Variants in SARM1 observed in about 807,000 individuals in gnomAD.
The protein encoded by SARM1 is NAD(+) hydrolase SARM1.
Under a neutral mutation model 65.1 loss-of-function variants are expected in SARM1, and 60 were observed. The observed-to-expected ratio is 0.92, with a 90% CI of 0.75 to 1.14. The LOEUF is 1.14. Ranked by LOEUF, SARM1 falls within the 50% of genes most tolerant of loss-of-function variation. The probability of loss-of-function intolerance (pLI) is 0.00; values close to 1 mark genes in which losing one functional copy is unlikely to be tolerated. For missense variants in SARM1, 913 were observed against 1,015.7 expected (o/e 0.90, Z 1.37); for synonymous variants, 417 against 465.4 (o/e 0.90, Z 1.34).
chr17:28,396,179 G>A lies in SARM1; in HGVS notation c.2068G>A (p.Ala690Thr). 1 of 1,613,926 alleles carries A rather than the reference G, an allele frequency of 6.2e-7. No homozygotes were observed. Residue 690 changes from alanine (A) to threonine (T), a missense_variant, in exon 9 of 9, where the codon GCC becomes ACC. By Grantham distance (58) the Ala-to-Thr change is moderately conservative. This residue lies in a region of SARM1 where 862 missense variants were observed against 952.1 expected (regional missense o/e 0.91). Coordinates refer to ENST00000585482, the MANE Select transcript of SARM1 (RefSeq NM_015077.4). ...GIKWSHEYQE[A>T]TIEKIIRFLQ... ...CAGGTGGTCCCACGAATACCAGGAG[G>A]CCACCATTGAGAAGATCATCCGCTT...
Position 28,384,858 on chromosome 17 carries a change from A to T in SARM1, c.1322A>T (p.Asp441Val). Reference sequence around the variant, plus strand: ...CCCCAGGAGCAGCAGGTGGATGGCGACCTGCTTCTGCGGCTCACGGAGGAG... The same window carrying T: ...CCCCAGGAGCAGCAGGTGGATGGCGTCCTGCTTCTGCGGCTCACGGAGGAG... ...ESFREQQVDG[D>V]LLLRLTEEEL... The change falls in exon 4 of 9, where the codon GAC becomes GTC. Residue 441 changes from aspartate (D) to valine (V), a missense_variant. By Grantham distance (152) the Asp-to-Val change is radical (BLOSUM62 -3). Transcript: ENST00000585482. The surrounding 1 kb of genome is among the most constrained non-coding windows in gnomAD (Gnocchi z 4.4). The T allele has an allele frequency of 6.4e-7, 1 of 1,555,012 alleles. No individual in the cohort carries two copies. The highest frequency in any genetic ancestry group is 1.2e-5 in the South Asian group (1 of 84,238).
Position 28,384,525 on chromosome 17 carries a change from T to A in SARM1, c.1258T>A (p.Trp420Arg). 6.2e-7 allele frequency: 1 copy of A among 1,612,948 alleles called. No homozygotes were observed. Among genetic ancestry groups the A allele is most frequent in the Non-Finnish European group, 8.5e-7 (1 of 1,179,556 alleles). ...PSWKEAEVQT[W>R]LQQIGFSKYC... Reference sequence around the variant, plus strand: ...CTGGAAGGAGGCCGAGGTTCAGACGTGGCTGCAGCAGATCGGTTTCTCCAA... The same window carrying A: ...CTGGAAGGAGGCCGAGGTTCAGACGAGGCTGCAGCAGATCGGTTTCTCCAA... Residue 420 changes from tryptophan (W) to arginine (R), a missense_variant, in exon 3 of 9, where the codon TGG becomes AGG. Around this residue, in one of 3 missense-constraint regions of SARM1, gnomAD observed 862 missense variants for 952.1 expected, o/e 0.91. Transcript: ENST00000585482. This position sits in a 1 kb window ranked among gnomAD's most constrained non-coding sequence, Gnocchi z 4.4.
At chr17:28,392,771 T>C (rs954642991) in intron 7 of SARM1, among the ~76,000 whole-genome samples, 1 of 152,146 alleles carries the variant, frequency 6.6e-6, no homozygotes, top group Admixed American at 6.5e-5. Flanking sequence ...CCAGGAAGGC[T>C]CCACTTCCCA....
In SARM1 at chr17:28,402,022, G is replaced by C. The variant is rs1306442293; in HGVS notation, c.*5736G>C. The C allele has an allele frequency of 4.0e-6, 2 of 504,894 alleles. No homozygotes were observed. The highest frequency in any genetic ancestry group is 6.5e-5 in the Admixed American group (2 of 30,880). 31.3% of individuals were successfully genotyped at this position (504,894 alleles called of 1,614,324 possible). A position where few individuals can be genotyped will look rare whatever the true frequency, so the allele number is the denominator to read the frequency against. ...AGAAAGAACATAATTGTGCTCTGCTGACTGCAAATCCCAACTCTGCGGTTT... is the reference window on the plus strand; with the variant it reads ...AGAAAGAACATAATTGTGCTCTGCTCACTGCAAATCCCAACTCTGCGGTTT... On this transcript the variant is annotated 3_prime_UTR_variant, in exon 9 of 9. Coordinates refer to ENST00000585482, the MANE Select transcript of SARM1 (RefSeq NM_015077.4).
At position 28,402,310 on chromosome 17, in the gene SARM1, G is replaced by A. The variant is rs1347089586; in HGVS notation, c.*6024G>A. On this transcript the variant is annotated 3_prime_UTR_variant, in exon 9 of 9. Coordinates refer to ENST00000585482, the MANE Select transcript of SARM1 (RefSeq NM_015077.4). ...GGTGTGATGACTAATGACAGGAAAAGCAACCCATATCCTGTGGAGAAACAA... is the reference window on the plus strand; with the variant it reads ...GGTGTGATGACTAATGACAGGAAAAACAACCCATATCCTGTGGAGAAACAA... 3 of 1,613,198 alleles carry A rather than the reference G, an allele frequency of 1.9e-6. No individual in the cohort carries two copies. In the African/African-American group the frequency reaches 4.0e-5, roughly 22 times the overall value.
rs1567806732 is a variant in SARM1 at position 28,381,459 on chromosome 17, C to G, written c.727C>G (p.Arg243Gly). The G allele has an allele frequency of 1.3e-6, 2 of 1,550,138 alleles. No individual in the cohort carries two copies. Among genetic ancestry groups the G allele is most frequent in the East Asian group, 4.9e-5 (2 of 41,026 alleles). ...GCTGCACGGGGGCCAGGCGGTGCAG[C>G]GACGCATGGTAGAGAAGCGCGCAGC... ...CALHGGQAVQRRMVEKRAAEW... is the reference protein window; with the variant it reads ...CALHGGQAVQGRMVEKRAAEW... The change falls in exon 2 of 9, where the codon CGA (arginine) becomes GGA (glycine). Residue 243 changes from arginine (R) to glycine (G), a missense_variant. By Grantham distance (125) the Arg-to-Gly change is moderately radical. Around this residue, in one of 3 missense-constraint regions of SARM1, gnomAD observed 862 missense variants for 952.1 expected, o/e 0.91. Coordinates refer to ENST00000585482, the MANE Select transcript of SARM1 (RefSeq NM_015077.4).
chr17:28,396,696 G>A lies in SARM1; in HGVS notation c.*410G>A, dbSNP rs927465028. The A allele has an allele frequency of 5.0e-6, 1 of 199,344 alleles. No individual in the cohort carries two copies. The highest frequency in any genetic ancestry group is 1.3e-4 in the East Asian group (1 of 7,664). The allele number at this position is 199,344 out of a possible 1,614,324, so 12.3% of individuals were successfully genotyped here. On this transcript the variant is annotated 3_prime_UTR_variant, in exon 9 of 9. Coordinates refer to ENST00000585482, the MANE Select transcript of SARM1 (RefSeq NM_015077.4). ...TAAGGCAATGCCCAGGCGGGCCTGGGCACTGTATTCTGAGCAAGGGCCTGG... is the reference window on the plus strand; with the variant it reads ...TAAGGCAATGCCCAGGCGGGCCTGGACACTGTATTCTGAGCAAGGGCCTGG...
chr17:28,396,141 G>T lies in SARM1; in HGVS notation c.2046-16G>T, dbSNP rs1314666787. 5.6e-6 allele frequency: 9 copies of T among 1,613,920 alleles called. No homozygotes were observed. The highest frequency in any genetic ancestry group is 3.3e-4 in the Middle Eastern group (2 of 6,062). On this transcript the variant is annotated splice_polypyrimidine_tract_variant and intron_variant, in intron 8 of 8. Coordinates refer to ENST00000585482, the MANE Select transcript of SARM1 (RefSeq NM_015077.4). ...CTGCCCAGCTGTCTGAACCACATTG[G>T]CTCCTGTGCCCACAGGTGGTCCCAC...
intron 1 of SARM1, among the ~76,000 whole-genome samples, chr17:28,376,083 G>GAGCTGGGTGAGT (rs1231895212): frequency 6.6e-6 from 1 of 152,178 alleles, no homozygotes; most frequent in Non-Finnish European, 1.5e-5. Flanking sequence ...GAAGAACTGG[G>GAGCTGGGTGAGT]AGCTGGGTGA....
Position 28,384,981 on chromosome 17 carries a change from C to G in SARM1, c.1394+51C>G. 3 of 1,599,418 alleles carry G rather than the reference C, an allele frequency of 1.9e-6. No homozygotes were observed. The highest frequency in any genetic ancestry group is 1.7e-6 in the Non-Finnish European group (2 of 1,172,116). On this transcript the variant is annotated intron_variant, in intron 4 of 8. Coordinates refer to ENST00000585482, the MANE Select transcript of SARM1 (RefSeq NM_015077.4). The surrounding 1 kb of genome is among the most constrained non-coding windows in gnomAD (Gnocchi z 4.4). ...CCCAGCTAGGTCTAAATAAGCTCCC[C>G]CTCCGCCCACAGCCCGTCCGAGTCT...
chr17:28,375,388 G>C (rs1057215874), intron 1 of SARM1, among the ~76,000 whole-genome samples: 25 of 152,016 alleles, frequency 1.6e-4, no homozygotes, highest in African/African-American at 6.0e-4. Context: ...CCTGAGGTCA[G>C]GAGTTCGAGA....
rs2068041202 is a variant in SARM1, at chr17:28,384,684, G to A, written c.1302+115G>A. 3 of 1,282,648 alleles carry A rather than the reference G, an allele frequency of 2.3e-6. No homozygotes were observed. The African/African-American group carries it at 4.4e-5, about 19-fold the overall frequency. The allele number at this position is 1,282,648 out of a possible 1,614,324, so 79.5% of individuals were successfully genotyped here. A position where few individuals can be genotyped will look rare whatever the true frequency, so the allele number is the denominator to read the frequency against. On this transcript the variant is annotated intron_variant, in intron 3 of 8. Coordinates refer to ENST00000585482, the MANE Select transcript of SARM1 (RefSeq NM_015077.4). The surrounding 1 kb of genome is among the most constrained non-coding windows in gnomAD (Gnocchi z 4.4). ...GCGCCAGGGTCGCTTTTGGGGGCGG[G>A]GAGCCTGTACGCAGCCACCGTTAGG...
intron 8 of SARM1, 45 bp downstream of exon 8, chr17:28,396,071 C>T: frequency 1.9e-6 from 3 of 1,613,510 alleles, no homozygotes; most frequent in Non-Finnish European, 1.7e-6. Flanking sequence ...GTACAAATCA[C>T]CATGACAGGC....
At position 28,402,345 on chromosome 17, in the gene SARM1, A is replaced by G; in HGVS notation, c.*6059A>G. 6.2e-7 allele frequency: 1 copy of G among 1,603,958 alleles called. No homozygotes were observed. Among genetic ancestry groups the G allele is most frequent in the Non-Finnish European group, 8.5e-7 (1 of 1,173,112 alleles). On this transcript the variant is annotated 3_prime_UTR_variant, in exon 9 of 9. Coordinates refer to ENST00000585482, the MANE Select transcript of SARM1 (RefSeq NM_015077.4). The stretch of plus-strand genomic sequence containing the variant: ...TCCTGTGGAGAAACAAACACTCATC[A>G]GGAAAATGGGGCTGGGGAGAGGGGC...
At position 28,385,740 on chromosome 17, in the gene SARM1, C is replaced by A. The variant is rs1447757935; in HGVS notation, c.1630+465C>A. Among the ~76,000 whole-genome samples, 1 of 152,142 alleles carries A rather than the reference C, an allele frequency of 6.6e-6. No individual in the cohort carries two copies. Among genetic ancestry groups the A allele is most frequent in the African/African-American group, 2.4e-5 (1 of 41,434 alleles). ...GAAGGGTGTGCGTATGTGTGTTATCCTATTGGCCAACAGCTTACAAAATTT... is the reference window on the plus strand; with the variant it reads ...GAAGGGTGTGCGTATGTGTGTTATCATATTGGCCAACAGCTTACAAAATTT... On this transcript the variant is annotated intron_variant, in intron 5 of 8. Transcript: ENST00000585482. The surrounding 1 kb of genome is among the most constrained non-coding windows in gnomAD (Gnocchi z 4.5).
chr17:28,384,560 G>C lies in SARM1; in HGVS notation c.1293G>C (p.Glu431Asp). 3 of 1,605,334 alleles carry C rather than the reference G, an allele frequency of 1.9e-6. No homozygotes were observed. Among genetic ancestry groups the C allele is most frequent in the Non-Finnish European group, 2.6e-6 (3 of 1,176,328 alleles). The change falls in exon 3 of 9, where the codon GAG becomes GAC. Residue 431 changes from glutamate to aspartate, a missense_variant. Glu to Asp is a conservative substitution (Grantham distance 45). This residue lies in a region of SARM1 where 862 missense variants were observed against 952.1 expected (regional missense o/e 0.91). Transcript: ENST00000585482. The surrounding 1 kb of genome is among the most constrained non-coding windows in gnomAD (Gnocchi z 4.4). ...LQQIGFSKYC[E>D]SFREQQVDGD... ...AGATCGGTTTCTCCAAGTACTGCGA[G>C]AGCTTCCGGGTAGAGTCGCGTGGGA...
intron 1 of SARM1, 44 bp from the exon 2 acceptor site, chr17:28,381,159 A>G: frequency 6.5e-7 from 1 of 1,542,994 alleles, no homozygotes; most frequent in Non-Finnish European, 8.7e-7. Flanking sequence ...CAAGCTCCCC[A>G]AGCTGCGGCA....
chr17:28,399,935 C>T lies in SARM1; in HGVS notation c.*3649C>T, dbSNP rs2068176127. 3.7e-6 allele frequency: 2 copies of T among 537,836 alleles called. No homozygotes were observed. The highest frequency in any genetic ancestry group is 6.7e-6 in the Non-Finnish European group (2 of 298,386). 33.3% of individuals were successfully genotyped at this position (537,836 alleles called of 1,614,324 possible). ...AAGAGACAGGGTCTTGCTCTGTTGT[C>T]CAGGCTGGAGGGCAGTGACATAATC... On this transcript the variant is annotated 3_prime_UTR_variant, in exon 9 of 9. Coordinates refer to ENST00000585482, the MANE Select transcript of SARM1 (RefSeq NM_015077.4).
chr17:28,379,903 CTT>C (rs1383091965), intron 1 of SARM1, among the ~76,000 whole-genome samples: 3 of 152,136 alleles, frequency 2.0e-5, no homozygotes, highest in Non-Finnish European at 4.4e-5. Context: ...TAGAGCATCT[CTT>C]TATCTGGTTT....
Sources: allele counts gnomAD v4.1 joint callset (sites outside exome capture counted in the v4.1 genomes callset), GRCh38; gene constraint gnomAD v4.1.1; regional missense constraint gnomAD v4.1.1; non-coding constraint Gnocchi (gnomAD v3.1); transcripts MANE v1.5; gene names NCBI Gene and HGNC (gene_info 2026-07-23, HGNC 2026-07-21).